Variants in CNMD observed in about 807,000 individuals in gnomAD.
CNMD encodes chondromodulin.
Under a neutral mutation model 37.5 loss-of-function variants are expected in CNMD, and 30 were observed. The observed-to-expected ratio is 0.80, with a 90% CI of 0.60 to 1.09. CNMD has a LOEUF of 1.09. Ranked by LOEUF, CNMD falls within the 50% of genes least tolerant of loss-of-function variation. The probability of loss-of-function intolerance (pLI) is 0.00; values close to 1 mark genes in which losing one functional copy is unlikely to be tolerated. For synonymous variants in CNMD, 167 were observed against 148.2 expected, an observed-to-expected ratio of 1.13 and a Z score of -0.92; for missense variants, 398 against 423.9, an observed-to-expected ratio of 0.94 and a Z score of 0.54.
At chr13:52,738,915 G>T in intron 2 of CNMD, 116 bp downstream of exon 2, 1 of 964,082 alleles carries the variant, frequency 1.0e-6, no homozygotes, top group Non-Finnish European at 1.4e-6. Context: ...GGGAGCTCAC[G>T]CTGGGCCCGA....
chr13:52,710,347 C>T (rs4242997), intron 5 of CNMD, among the ~76,000 whole-genome samples: 151,210 of 152,348 alleles, frequency 0.99, 75,041 homozygotes, highest in East Asian at 1. Context: ...ATCTATAAAA[C>T]GGGAACGAGT....
intron 4 of CNMD, among the ~76,000 whole-genome samples, chr13:52,718,707 C>G (rs1448218839): frequency 1.3e-5 from 2 of 152,018 alleles, no homozygotes; most frequent in African/African-American, 2.4e-5. Flanking sequence ...GTCTGAGAGA[C>G]TGTTATGATT....
intron 4 of CNMD, among the ~76,000 whole-genome samples, chr13:52,719,460 G>T (rs1001690449): frequency 6.6e-6 from 1 of 152,218 alleles, no homozygotes; most frequent in African/African-American, 2.4e-5. Flanking sequence ...TGCAGTGGCT[G>T]GTACCGGTTT....
rs185792800 is a variant in CNMD at position 52,728,116 on chromosome 13, G to A, written c.355-4006C>T. On this transcript the variant is annotated intron_variant, in intron 3 of 6. Transcript: ENST00000377962. ...ATTAAAAAATCACCTGGGCCAGGGC[G>A]GTGGCTCACGCCTGTAATCCCAGCA... 1.2e-3 allele frequency among the ~76,000 whole-genome samples: 188 copies of A among 152,182 alleles called. 2 individuals are homozygous for A. The highest frequency in any genetic ancestry group is 1.4e-3 in the Non-Finnish European group (95 of 68,004).
At chr13:52,736,821 C>T (rs1964775417) in intron 2 of CNMD, among the ~76,000 whole-genome samples, 1 of 152,162 alleles carries the variant, frequency 6.6e-6, no homozygotes. Flanking sequence ...AAGCAATGAT[C>T]TCCTTCCCTC....
chr13:52,733,332 T>C lies in CNMD; in HGVS notation c.241A>G (p.Ile81Val), dbSNP rs1964706524. Residue 81 changes from isoleucine to valine, a missense_variant, in exon 3 of 7, where the codon ATC (isoleucine) becomes GTC (valine). Ile to Val is a conservative substitution (Grantham distance 29). Coordinates refer to ENST00000377962, the MANE Select transcript of CNMD (RefSeq NM_007015.3). ...HIYNVHYTMSINGKLQDGSME... is the reference protein window; with the variant it reads ...HIYNVHYTMSVNGKLQDGSME... ...GACCCATCTTGTAATTTCCCATTGA[T>C]ACTCATGGTGTAATGGACATTGTAA... is the stretch of plus-strand genomic sequence containing the variant. 15 of 1,613,898 alleles carry C rather than the reference T, an allele frequency of 9.3e-6. No individual in the cohort carries two copies. Among genetic ancestry groups the C allele is most frequent in the Non-Finnish European group, 1.3e-5 (15 of 1,179,760 alleles).
intron 4 of CNMD, among the ~76,000 whole-genome samples, chr13:52,717,970 C>G (rs1239561037): frequency 3.9e-5 from 6 of 152,100 alleles, no homozygotes; most frequent in African/African-American, 1.4e-4. Flanking sequence ...TCCGTCTGGT[C>G]CTGGGCTTTT....
At chr13:52,729,276 T>A (rs1313563171) in intron 3 of CNMD, among the ~76,000 whole-genome samples, 1 of 152,154 alleles carries the variant, frequency 6.6e-6, no homozygotes, top group Non-Finnish European at 1.5e-5. Context: ...GGCCCAGGGA[T>A]GTCAGGTCCT....
intron 5 of CNMD, 106 bp from the exon 6 acceptor site, chr13:52,708,808 A>G (rs1964242882): frequency 1.1e-6 from 1 of 942,536 alleles, no homozygotes; most frequent in Non-Finnish European, 1.6e-6. Context: ...AAATTTGTGC[A>G]TAACCAGATG....
intron 2 of CNMD, among the ~76,000 whole-genome samples, chr13:52,734,198 C>T (rs1046430452): frequency 1.3e-5 from 2 of 152,086 alleles, no homozygotes; most frequent in African/African-American, 4.8e-5. Flanking sequence ...TGAGTTGCCA[C>T]GAGTGTATAA....
intron 4 of CNMD, among the ~76,000 whole-genome samples, chr13:52,718,471 G>C (rs563024247): frequency 0.017 from 2,590 of 152,102 alleles, 27 homozygotes; most frequent in Non-Finnish European, 0.028. Flanking sequence ...TTCTCCTGTG[G>C]GCATTTTAGT....
At chr13:52,730,486 T>C (rs1964646963) in intron 3 of CNMD, among the ~76,000 whole-genome samples, 1 of 151,860 alleles carries the variant, frequency 6.6e-6, no homozygotes. Flanking sequence ...CAGCACCTGT[T>C]GTTTCCTGAC....
chr13:52,724,071 A>G lies in CNMD; in HGVS notation c.394T>C (p.Tyr132His). 6.2e-7 allele frequency: 1 copy of G among 1,614,066 alleles called. No individual in the cohort carries two copies. The highest frequency in any genetic ancestry group is 8.5e-7 in the Non-Finnish European group (1 of 1,179,974). The change falls in exon 4 of 7, where the codon TAC becomes CAC. Residue 132 changes from tyrosine (Y) to histidine (H), a missense_variant. Tyr to His is a moderately conservative substitution (Grantham distance 83, BLOSUM62 2). Transcript: ENST00000377962. ...GIRFAGGEKC[Y>H]IKAQVKARIP... ...CGAGCCTTCACTTGCGCTTTAATGT[A>G]GCACTTCTCTCCTCCAGCAAAACGA...
At chr13:52,703,933 T>C in intron 6 of CNMD, 123 bp from the exon 7 acceptor site, 1 of 713,156 alleles carries the variant, frequency 1.4e-6, no homozygotes, top group Non-Finnish European at 2.3e-6. Flanking sequence ...TGTAAAGGGT[T>C]TGATCTTGTT....
intron 3 of CNMD, 83 bp downstream of exon 3, chr13:52,733,136 T>C (rs773307370): frequency 1.2e-5 from 17 of 1,375,936 alleles, no homozygotes; most frequent in Non-Finnish European, 7.3e-6. Flanking sequence ...TGGATGTGTG[T>C]GAGAAACGCT....
At chr13:52,711,529 G>A (rs1301393459) in intron 5 of CNMD, among the ~76,000 whole-genome samples, 2 of 152,126 alleles carry the variant, frequency 1.3e-5, no homozygotes, top group Non-Finnish European at 2.9e-5. Flanking sequence ...CTGTTTCTCA[G>A]CCCACTGTGC....
At chr13:52,709,413 C>T (rs796464362) in intron 5 of CNMD, among the ~76,000 whole-genome samples, 24 of 152,272 alleles carry the variant, frequency 1.6e-4, no homozygotes, top group African/African-American at 5.8e-4. Flanking sequence ...TTAATTGTAG[C>T]CCTAAGTATT....
intron 3 of CNMD, among the ~76,000 whole-genome samples, chr13:52,724,481 C>A (rs1011516808): frequency 6.7e-6 from 1 of 149,522 alleles, no homozygotes; most frequent in African/African-American, 2.5e-5. Context: ...GTCCCAGCTA[C>A]TTGGGAGGCT....
chr13:52,722,192 A>G (rs551718682), intron 4 of CNMD, among the ~76,000 whole-genome samples: 6 of 152,280 alleles, frequency 3.9e-5, no homozygotes, highest in African/African-American at 1.4e-4. Context: ...AATACATCTC[A>G]CAGGATGGAT....
Sources: allele counts gnomAD v4.1 joint callset (sites outside exome capture counted in the v4.1 genomes callset), GRCh38; gene constraint gnomAD v4.1.1; transcripts MANE v1.5; gene names NCBI Gene and HGNC (gene_info 2026-07-23, HGNC 2026-07-21).